The following MARCHF6 variants were observed in gnomAD, a reference collection of about 807,000 sequenced individuals.
MARCHF6 encodes the protein membrane associated ring-CH-type finger 6, also known as E3 ubiquitin-protein ligase MARCHF6.
A neutral mutation model predicts 133.7 loss-of-function variants in MARCHF6; 31 were observed. The ratio of observed to expected loss-of-function variants is 0.23; its 90% CI spans 0.17 to 0.31. MARCHF6 has a LOEUF of 0.31. Ranked by LOEUF, MARCHF6 falls within the 10% of genes least tolerant of loss-of-function variation. The pLI is 1.00. For missense variants in MARCHF6, 723 were observed against 1,121.6 expected (o/e 0.64, Z 5.08); for synonymous variants, 395 against 402.5 (o/e 0.98, Z 0.22).
rs189021041 is a variant in MARCHF6 at position 10,378,785 on chromosome 5, G to A, written c.143G>A (p.Arg48Gln). The A allele has an allele frequency of 3.7e-6, 6 of 1,608,894 alleles. No homozygotes were observed. The South Asian group carries it at 4.4e-5, about 12-fold the overall frequency. Reference sequence around the variant, plus strand: ...TTAGTTCAATGGCTGAAACACAGTCGAAAAGAATACTGTGAATTATGCAAG... The same window carrying A: ...TTAGTTCAATGGCTGAAACACAGTCAAAAAGAATACTGTGAATTATGCAAG... ...ECLVQWLKHSRKEYCELCKHR... is the reference protein window; with the variant it reads ...ECLVQWLKHSQKEYCELCKHR... The change falls in exon 3 of 26, where the codon CGA becomes CAA. Residue 48 changes from arginine to glutamine, a missense_variant. This residue lies in a region of MARCHF6 where 91 missense variants were observed against 208.8 expected (regional missense o/e 0.44). Coordinates refer to ENST00000274140, the MANE Select transcript of MARCHF6 (RefSeq NM_005885.4).
chr5:10,365,238 C>T (rs759058289), intron 1 of MARCHF6, among the ~76,000 whole-genome samples: 4 of 152,064 alleles, frequency 2.6e-5, no homozygotes, highest in East Asian at 1.9e-4. Flanking sequence ...AATTTAGTAA[C>T]GATAGTAATC....
At position 10,415,558 on chromosome 5, in the gene MARCHF6, T is replaced by G. The variant is rs756550759; in HGVS notation, c.2037T>G (p.Ala679=). The part of the protein sequence containing the change: ...TAKIHELYTA[A]CGLYVCWLTI... ...AAATCCATGAGCTCTACACAGCTGCTTGTGGTCTCTATGTTTGCTGGCTAA... is the reference window on the plus strand; with the variant it reads ...AAATCCATGAGCTCTACACAGCTGCGTGTGGTCTCTATGTTTGCTGGCTAA... Residue 679 remains alanine (A), a synonymous_variant, in exon 21 of 26, where the codon GCT becomes GCG. Coordinates refer to ENST00000274140, the MANE Select transcript of MARCHF6 (RefSeq NM_005885.4). 1.2e-6 allele frequency: 2 copies of G among 1,614,086 alleles called. No homozygotes were observed. The highest frequency in any genetic ancestry group is 2.2e-5 in the South Asian group (2 of 91,078).
intron 4 of MARCHF6, among the ~76,000 whole-genome samples, chr5:10,385,176 G>T (rs1737392469): frequency 6.6e-6 from 1 of 152,226 alleles, no homozygotes; most frequent in Admixed American, 6.5e-5. Context: ...GTTACCTTTT[G>T]CAGGGGCTGT....
At chr5:10,378,025 G>A in intron 2 of MARCHF6, 131 bp downstream of exon 2, 2 of 568,946 alleles carry the variant, frequency 3.5e-6, no homozygotes, top group Non-Finnish European at 6.1e-6. Flanking sequence ...CCTGAGCACA[G>A]GAAACTGAAA....
intron 11 of MARCHF6, 46 bp downstream of exon 11, chr5:10,400,888 A>C (rs1738490863): frequency 7.4e-7 from 1 of 1,359,224 alleles, no homozygotes; most frequent in African/African-American, 1.4e-5. Flanking sequence ...ATTACTCCCA[A>C]ATGTGATTAT....
rs1238625644 is a variant in MARCHF6, at chr5:10,403,428, A to C, written c.1219A>C (p.Lys407Gln). 1 of 1,613,714 alleles carries C rather than the reference A, an allele frequency of 6.2e-7. No homozygotes were observed. Among genetic ancestry groups the C allele is most frequent in the South Asian group, 1.1e-5 (1 of 91,010 alleles). The change falls in exon 15 of 26, where the codon AAA becomes CAA. Residue 407 changes from lysine to glutamine, a missense_variant. Around this residue, in one of 4 missense-constraint regions of MARCHF6, gnomAD observed 492 missense variants for 699.5 expected, o/e 0.70. Coordinates refer to ENST00000274140, the MANE Select transcript of MARCHF6 (RefSeq NM_005885.4). Reference protein sequence around the residue: ...CSLEMFDATLKDRELSFQSAP... With the variant: ...CSLEMFDATLQDRELSFQSAP... ...TCAGGAAATGTTTGATGCTACTCTG[A>C]AAGATCGAGAACTGAGCTTTCAGTC...
At chr5:10,366,812 C>T (rs976476370) in intron 1 of MARCHF6, among the ~76,000 whole-genome samples, 4 of 152,012 alleles carry the variant, frequency 2.6e-5, no homozygotes, top group African/African-American at 7.2e-5. Flanking sequence ...GAGCTTGGGG[C>T]GTGACTGCCT....
Position 10,417,345 on chromosome 5 carries a change from G to A in MARCHF6, c.2224G>A (p.Val742Ile), listed in dbSNP as rs1033536863. 18 of 1,614,036 alleles carry A rather than the reference G, an allele frequency of 1.1e-5. No individual in the cohort carries two copies. The highest frequency in any genetic ancestry group is 2.2e-5 in the South Asian group (2 of 91,072). The change falls in exon 22 of 26, where the codon GTC becomes ATC. Residue 742 changes from valine (V) to isoleucine (I), a missense_variant. Val to Ile is a conservative substitution (Grantham distance 29). Coordinates refer to ENST00000274140, the MANE Select transcript of MARCHF6 (RefSeq NM_005885.4). ...PLLLGLLFEL[V>I]IVAPLRVPLD... Reference sequence around the variant, plus strand: ...CCTTCTGGGGCTCCTGTTTGAGCTGGTCATTGTGGCTCCCCTGAGGGTTCC... The same window carrying A: ...CCTTCTGGGGCTCCTGTTTGAGCTGATCATTGTGGCTCCCCTGAGGGTTCC...
rs115128051 is a variant in MARCHF6 at position 10,359,091 on chromosome 5, A to G, written c.19+5174A>G. 6.0e-3 allele frequency among the ~76,000 whole-genome samples: 917 copies of G among 152,300 alleles called. 11 individuals carry two copies. Among genetic ancestry groups the G allele is most frequent in the African/African-American group, 0.021 (855 of 41,556 alleles). Reference sequence around the variant, plus strand: ...CAGTAAATTGTATATGGTAAAAAGTATCTCTCTGGATTCTCTTGTATTTTT... The same window carrying G: ...CAGTAAATTGTATATGGTAAAAAGTGTCTCTCTGGATTCTCTTGTATTTTT... On this transcript the variant is annotated intron_variant, in intron 1 of 25. Coordinates refer to ENST00000274140, the MANE Select transcript of MARCHF6 (RefSeq NM_005885.4).
rs1002177368 is a variant in MARCHF6 at position 10,434,557 on chromosome 5, C to T, written c.*873C>T. On this transcript the variant is annotated 3_prime_UTR_variant, in exon 26 of 26. Transcript: ENST00000274140. ...TCTGTTTATTTTTTGTAGCAGTGGC[C>T]GAAAGTCCTGCAAGGTCATAAATCT... The T allele has an allele frequency of 5.0e-4, 69 of 139,294 alleles. No individual in the cohort carries two copies. Among genetic ancestry groups the T allele is most frequent in the Middle Eastern group, 3.8e-3 (1 of 264 alleles). 8.6% of individuals were successfully genotyped at this position (139,294 alleles called of 1,614,324 possible).
intron 4 of MARCHF6, among the ~76,000 whole-genome samples, chr5:10,384,882 A>G (rs1693675478): frequency 6.6e-6 from 1 of 152,222 alleles, no homozygotes. Context: ...TCTGTTCACT[A>G]AAGGACATAT....
chr5:10,364,286 CTTCCGGG>C (rs1362918106), intron 1 of MARCHF6, among the ~76,000 whole-genome samples: 1 of 152,094 alleles, frequency 6.6e-6, no homozygotes, highest in African/African-American at 2.4e-5. Flanking sequence ...AGAAAGCAAC[CTTCCGGG>C]TACAGGTGAG....
At chr5:10,382,205 C>A (rs189943355) in intron 4 of MARCHF6, among the ~76,000 whole-genome samples, 1 of 152,090 alleles carries the variant, frequency 6.6e-6, no homozygotes, top group African/African-American at 2.4e-5. Flanking sequence ...TTGAAAAAAT[C>A]AAATCAAATC....
intron 23 of MARCHF6, among the ~76,000 whole-genome samples, chr5:10,426,000 A>G (rs1256905772): frequency 1.3e-5 from 2 of 152,240 alleles, no homozygotes; most frequent in African/African-American, 4.8e-5. Context: ...GATAAAATGA[A>G]TGCAATATTG....
rs1740535309 is a variant in MARCHF6, at chr5:10,434,976, T to C, written c.*1292T>C. 6.6e-6 allele frequency: 1 copy of C among 152,638 alleles called. No individual in the cohort carries two copies. Among genetic ancestry groups the C allele is most frequent in the Non-Finnish European group, 1.5e-5 (1 of 68,042 alleles). The allele number at this position is 152,638 out of a possible 1,614,324, so 9.5% of individuals were successfully genotyped here. A position where few individuals can be genotyped will look rare whatever the true frequency, so the allele number is the denominator to read the frequency against. On this transcript the variant is annotated 3_prime_UTR_variant, in exon 26 of 26. Coordinates refer to ENST00000274140, the MANE Select transcript of MARCHF6 (RefSeq NM_005885.4). ...TAACCAAAGCTTCAGGTTAGAAGTT[T>C]AGAAAAATAGAATGGTTGGGTACAT...
intron 2 of MARCHF6, among the ~76,000 whole-genome samples, chr5:10,378,177 T>C (rs900328013): frequency 6.6e-6 from 1 of 152,228 alleles, no homozygotes; most frequent in African/African-American, 2.4e-5. Flanking sequence ...GAGCTTATTT[T>C]GTCCTCTGAA....
At chr5:10,410,387 A>C in intron 18 of MARCHF6, 111 bp downstream of exon 18, 1 of 1,307,836 alleles carries the variant, frequency 7.6e-7, no homozygotes, top group Non-Finnish European at 1.0e-6. Context: ...AGTTTTAATA[A>C]GAGACAATTT....
In MARCHF6 at chr5:10,380,155, T is replaced by TTGTGTGTG. The variant is rs200405883; in HGVS notation, c.190+1353_190+1360dup. Among the ~76,000 whole-genome samples, 1,027 of 145,840 alleles carry TTGTGTGTG rather than the reference T, an allele frequency of 7.0e-3. 11 individuals are homozygous for TTGTGTGTG. Among genetic ancestry groups the TTGTGTGTG allele is most frequent in the African/African-American group, 0.024 (955 of 39,686 alleles). On this transcript the variant is annotated intron_variant, in intron 3 of 25. Coordinates refer to ENST00000274140, the MANE Select transcript of MARCHF6 (RefSeq NM_005885.4). ...CTTACAAAGGATTTTTGTGTTTTAG[T>TTGTGTGTG]TGTGTGTGTGTGTGTGTGTGTGTGT... is the stretch of plus-strand genomic sequence containing the variant.
rs1229002622 is a variant in MARCHF6 at position 10,353,905 on chromosome 5, A to G, written c.7A>G (p.Thr3Ala). The G allele has an allele frequency of 6.4e-7, 1 of 1,554,042 alleles. No homozygotes were observed. Among genetic ancestry groups the G allele is most frequent in the East Asian group, 2.4e-5 (1 of 41,018 alleles). Reference sequence around the variant, plus strand: ...CGCCGCCCCCCCAGACAAGATGGACACCGCGGAGGAAGGTAAGTCGGCGAC... The same window carrying G: ...CGCCGCCCCCCCAGACAAGATGGACGCCGCGGAGGAAGGTAAGTCGGCGAC... MD[T>A]AEEDICRVCR... is the part of the protein sequence containing the mutation. Residue 3 changes from threonine to alanine, a missense_variant, in exon 1 of 26, where the codon ACC (threonine) becomes GCC (alanine). Transcript: ENST00000274140.
Sources: allele counts gnomAD v4.1 joint callset (sites outside exome capture counted in the v4.1 genomes callset), GRCh38; gene constraint gnomAD v4.1.1; regional missense constraint gnomAD v4.1.1; transcripts MANE v1.5; gene names NCBI Gene and HGNC (gene_info 2026-07-23, HGNC 2026-07-21).